The following STAT2 variants were observed in gnomAD, a reference collection of about 807,000 sequenced individuals.
The protein encoded by STAT2 is signal transducer and activator of transcription 2, also known as interferon alpha induced transcriptional activator.
In STAT2, 51 loss-of-function variants were observed where a neutral mutation model predicts 122.3. That is an observed-to-expected ratio of 0.42 (90% CI 0.33 to 0.53). The LOEUF (loss-of-function observed/expected upper bound fraction) is 0.53. STAT2 is among the 20% of genes least tolerant of loss of function. The pLI is 0.10. For missense variants in STAT2, 736 were observed against 1,010.3 expected, an observed-to-expected ratio of 0.73 and a Z score of 3.68; for synonymous variants, 351 against 394.9, an observed-to-expected ratio of 0.89 and a Z score of 1.32.
intron 19 of STAT2, 135 bp downstream of exon 19, chr12:56,348,394 T>C: frequency 1.1e-6 from 1 of 876,358 alleles, no homozygotes; most frequent in South Asian, 1.6e-5. Context: ...GCCTTATTAT[T>C]GTTAACAAAT....
chr12:56,349,695 C>T, intron 13 of STAT2, 59 bp from the exon 14 acceptor site: 1 of 1,610,866 alleles, frequency 6.2e-7, no homozygotes, highest in Non-Finnish European at 8.5e-7. Flanking sequence ...GTCCCTGGAA[C>T]CCCTGTTTGG....
At position 56,348,579 on chromosome 12, in the gene STAT2, G is replaced by T. The variant is rs201603822; in HGVS notation, c.1674C>A (p.Asp558Glu). ...GGTCATGTACCAACTCCAGAATTTT[G>T]TCCAGCCATGTCCAGAATGGTAACT... Reference protein sequence around the residue: ...PGKLPFWTWLDKILELVHDHL... With the variant: ...PGKLPFWTWLEKILELVHDHL... Residue 558 changes from aspartate to glutamate, a missense_variant, in exon 19 of 24, where the codon GAC (aspartate) becomes GAA (glutamate). Transcript: ENST00000314128. 6 of 1,614,086 alleles carry T rather than the reference G, an allele frequency of 3.7e-6. No homozygotes were observed. The highest frequency in any genetic ancestry group is 3.3e-5 in the Admixed American group (2 of 59,998).
At chr12:56,352,297 T>A (rs1447984581) in intron 8 of STAT2, 1 of 141,520 alleles carries the variant, frequency 7.1e-6, no homozygotes, top group African/African-American at 2.7e-5. Flanking sequence ...ACACTACACA[T>A]GAGAAAATAG....
chr12:56,356,377 G>T, intron 2 of STAT2, 64 bp downstream of exon 2: 1 of 1,607,374 alleles, frequency 6.2e-7, no homozygotes, highest in South Asian at 1.1e-5. Flanking sequence ...ATGATTCCAG[G>T]ATCCCGGGGG....
chr12:56,348,924 C>T lies in STAT2; in HGVS notation c.1576G>A (p.Gly526Arg), dbSNP rs571666221. 5.0e-6 allele frequency: 8 copies of T among 1,613,048 alleles called. No individual in the cohort carries two copies. The highest frequency in any genetic ancestry group is 3.3e-5 in the Admixed American group (2 of 59,904). ...QLSMLRNKLFGQNCRTEDPLL... is the reference protein window; with the variant it reads ...QLSMLRNKLFRQNCRTEDPLL... ...GGCTGAGAGAAAAGGAAATCTGTAC[C>T]GAACAGCTTGTTTCTCAGCATGCTC... Residue 526 changes from glycine (G) to arginine (R), a missense_variant and splice_region_variant, in exon 17 of 24, where the codon GGG becomes AGG. Physicochemically the swap from Gly to Arg is moderately radical, Grantham distance 125 (BLOSUM62 -2). Coordinates refer to ENST00000314128, the MANE Select transcript of STAT2 (RefSeq NM_005419.4).
intron 23 of STAT2, 108 bp from the exon 24 acceptor site, chr12:56,343,639 G>A (rs962471954): frequency 4.6e-6 from 7 of 1,522,986 alleles, no homozygotes; most frequent in Non-Finnish European, 6.2e-6. Flanking sequence ...GAGCCTGAGT[G>A]GGAACTTGTG....
chr12:56,348,957 C>G lies in STAT2; in HGVS notation c.1543G>C (p.Asp515His), dbSNP rs1256042012. ...TTGTTTCTCAGCATGCTCAGCTGGT[C>G]TGAGTTGAGGCCTCGGCCAACATAG... is the stretch of plus-strand genomic sequence containing the variant. ...SSYVGRGLNS[D>H]QLSMLRNKLF... Residue 515 changes from aspartate (D) to histidine (H), a missense_variant, in exon 17 of 24, where the codon GAC (aspartate) becomes CAC (histidine). Asp to His is a moderately conservative substitution (Grantham distance 81, BLOSUM62 -1). Coordinates refer to ENST00000314128, the MANE Select transcript of STAT2 (RefSeq NM_005419.4). 3 of 1,613,852 alleles carry G rather than the reference C, an allele frequency of 1.9e-6. No individual in the cohort carries two copies. In the Admixed American group the frequency reaches 5.0e-5, roughly 27 times the overall value.
rs1879488345 is a variant in STAT2 at position 56,356,206 on chromosome 12, A to C, written c.211T>G (p.Cys71Gly). The change falls in exon 3 of 24, where the codon TGT becomes GGT. Residue 71 changes from cysteine to glycine, a missense_variant. Cys to Gly is a radical substitution (Grantham distance 159). Transcript: ENST00000314128. Reference sequence around the variant, plus strand: ...TCTGGGTCCTGGCTGCAACGGCCACACTCATAGTTCAGCTGATCCAAGAAG... The same window carrying C: ...TCTGGGTCCTGGCTGCAACGGCCACCCTCATAGTTCAGCTGATCCAAGAAG... ...FHFLDQLNYE[C>G]GRCSQDPESL... The C allele has an allele frequency of 6.2e-7, 1 of 1,614,042 alleles. No individual in the cohort carries two copies.
intron 19 of STAT2, among the ~76,000 whole-genome samples, chr12:56,347,510 GGTTTT>G (rs1270520800): frequency 2.0e-5 from 3 of 150,584 alleles, no homozygotes; most frequent in Non-Finnish European, 4.4e-5. Context: ...ACTTTTTTTT[GGTTTT>G]GTTTTGAGAC....
rs754235176 is a variant in STAT2 at position 56,343,892 on chromosome 12, T to C, written c.2346A>G (p.Val782=). 2 of 1,614,212 alleles carry C rather than the reference T, an allele frequency of 1.2e-6. No homozygotes were observed. Among genetic ancestry groups the C allele is most frequent in the South Asian group, 1.1e-5 (1 of 91,084 alleles). The stretch of plus-strand genomic sequence containing the variant: ...AATCTGGCTCTGGCACTGGCTGTGA[T>C]ACAGGTCCTTGGTCTGGCTCTGGCA... ...QTVPEPDQGP[V]SQPVPEPDLP... is the part of the protein sequence containing the mutation. Residue 782 remains valine (V), a synonymous_variant, in exon 23 of 24, where the codon GTA becomes GTG. Transcript: ENST00000314128.
chr12:56,343,969 A>G lies in STAT2; in HGVS notation c.2269T>C (p.Ser757Pro), dbSNP rs757246041. The change falls in exon 23 of 24, where the codon TCC becomes CCC. Residue 757 changes from serine (S) to proline (P), a missense_variant. Physicochemically the swap from Ser to Pro is moderately conservative, Grantham distance 74 (BLOSUM62 -1). Transcript: ENST00000314128. ...GGCTCTATCACAGGCTCCAGAGTGGACTCCAGCACAGACTCTAGCTCTGGC... is the reference window on the plus strand; with the variant it reads ...GGCTCTATCACAGGCTCCAGAGTGGGCTCCAGCACAGACTCTAGCTCTGGC... ...LGPELESVLE[S>P]TLEPVIEPTL... The G allele has an allele frequency of 1.8e-5, 29 of 1,613,902 alleles. No homozygotes were observed. In the Admixed American group the frequency reaches 3.0e-4, roughly 17 times the overall value.
chr12:56,349,410 C>T lies in STAT2; in HGVS notation c.1341+16G>A, dbSNP rs1878086152. The T allele has an allele frequency of 1.9e-6, 3 of 1,614,020 alleles. No individual in the cohort carries two copies. Among genetic ancestry groups the T allele is most frequent in the African/African-American group, 1.3e-5 (1 of 74,904 alleles). ...CAAAGCTGCTTTCTCTCTCCTTGCC[C>T]TCCATTTTCACTCACTTTCAGCTCC... On this transcript the variant is annotated intron_variant, in intron 15 of 23. Coordinates refer to ENST00000314128, the MANE Select transcript of STAT2 (RefSeq NM_005419.4).
At chr12:56,344,782 G>A (rs1275723447) in intron 22 of STAT2, among the ~76,000 whole-genome samples, 5 of 152,042 alleles carry the variant, frequency 3.3e-5, no homozygotes, top group East Asian at 3.9e-4. Context: ...CAAGGTGGGC[G>A]GATCATGAGG....
At chr12:56,355,167 GGT>G (rs112134239) in intron 6 of STAT2, 107 bp downstream of exon 6, 16 of 1,269,332 alleles carry the variant, frequency 1.3e-5, no homozygotes, top group African/African-American at 1.0e-4. Flanking sequence ...TAGTCAGTGG[GGT>G]GTGTCTGACA....
At chr12:56,349,117 C>T in intron 16 of STAT2, 46 bp downstream of exon 16, 1 of 1,613,998 alleles carries the variant, frequency 6.2e-7, no homozygotes, top group East Asian at 2.2e-5. Context: ...ACCAAGCTTC[C>T]ACACCCCTCC....
intron 12 of STAT2, 70 bp from the exon 13 acceptor site, chr12:56,350,260 A>AG: frequency 1.4e-6 from 2 of 1,456,848 alleles, no homozygotes; most frequent in Non-Finnish European, 1.9e-6. Flanking sequence ...AAAAAAAAAA[A>AG]CAGAAGTTCC....
rs1876756072 is a variant in STAT2, at chr12:56,342,652, G to A, written c.*737C>T. 6.6e-6 allele frequency: 1 copy of A among 152,128 alleles called. No homozygotes were observed. The highest frequency in any genetic ancestry group is 2.1e-4 in the South Asian group (1 of 4,832). The allele number at this position is 152,128 out of a possible 1,614,324, so 9.4% of individuals were successfully genotyped here. The stretch of plus-strand genomic sequence containing the variant: ...CCTCCAGGAGTGATCTGTCTCCTAA[G>A]CATTGAGAAAGTGGAGACTAGGTAG... On this transcript the variant is annotated 3_prime_UTR_variant, in exon 24 of 24. Coordinates refer to ENST00000314128, the MANE Select transcript of STAT2 (RefSeq NM_005419.4).
intron 8 of STAT2, 104 bp downstream of exon 8, chr12:56,354,362 G>A (rs1879181279): frequency 2.6e-6 from 4 of 1,545,024 alleles, no homozygotes; most frequent in East Asian, 4.5e-5. Flanking sequence ...TCATTCTGGG[G>A]AGCAGAGACA....
In STAT2 at chr12:56,354,566, T is replaced by A; in HGVS notation, c.682A>T (p.Ile228Phe). 6.2e-7 allele frequency: 1 copy of A among 1,614,168 alleles called. No individual in the cohort carries two copies. Among genetic ancestry groups the A allele is most frequent in the South Asian group, 1.1e-5 (1 of 91,080 alleles). Residue 228 changes from isoleucine to phenylalanine, a missense_variant, in exon 8 of 24, where the codon ATC (isoleucine) becomes TTC (phenylalanine). Transcript: ENST00000314128. ...KALLGRLTTL[I>F]ELLLPKLEEW... Reference sequence around the variant, plus strand: ...TCCAACTTTGGCAGCAGTAGCTCGATTAGGGTAGTTAATCGGCCTAGCAGT... The same window carrying A: ...TCCAACTTTGGCAGCAGTAGCTCGAATAGGGTAGTTAATCGGCCTAGCAGT...
Sources: gnomAD v4.1 joint callset for allele counts (sites outside exome capture counted in the v4.1 genomes callset) on GRCh38, gnomAD v4.1.1 for gene constraint, MANE v1.5 for transcripts, NCBI Gene and HGNC (gene_info 2026-07-23, HGNC 2026-07-21) for gene names.